NAP1L1: variants seen among roughly 807,000 people sequenced by gnomAD.
The protein encoded by NAP1L1 is nucleosome assembly protein 1 like 1, also known as nucleosome assembly protein 1-like 1.
Under a neutral mutation model 58.9 loss-of-function variants are expected in NAP1L1, and 9 were observed. The ratio of observed to expected loss-of-function variants is 0.15; its 90% CI spans 0.09 to 0.27. The LOEUF (loss-of-function observed/expected upper bound fraction) is 0.27. NAP1L1 is among the 10% of genes least tolerant of loss of function. NAP1L1 has a pLI of 1.00. For missense variants in NAP1L1, 302 were observed against 458.8 expected (o/e 0.66, Z 3.12); for synonymous variants, 130 against 138.3 (o/e 0.94, Z 0.42).
At chr12:76,052,316 GA>G (rs1254927602) in intron 11 of NAP1L1, among the ~76,000 whole-genome samples, 1 of 151,832 alleles carries the variant, frequency 6.6e-6, no homozygotes, top group Non-Finnish European at 1.5e-5. Flanking sequence ...CCACTGATAT[GA>G]AAATAGTGTG....
chr12:76,057,873 C>T, intron 6 of NAP1L1: 5 of 1,459,312 alleles, frequency 3.4e-6, no homozygotes, highest in Non-Finnish European at 4.7e-6. Context: ...AAGACGGTAC[C>T]ACAAAAGGTT....
Position 76,045,522 on chromosome 12 carries a change from T to C in NAP1L1, c.*2907A>G, listed in dbSNP as rs948736072. 6.6e-6 allele frequency: 1 copy of C among 152,068 alleles called. No individual in the cohort carries two copies. Among genetic ancestry groups the C allele is most frequent in the Non-Finnish European group, 1.5e-5 (1 of 67,922 alleles). 9.4% of individuals were successfully genotyped at this position (152,068 alleles called of 1,614,324 possible). On this transcript the variant is annotated 3_prime_UTR_variant, in exon 15 of 15. Transcript: ENST00000618691. ...AAATATTTTTATGAAAGTTAATATA[T>C]CCTTTCCTGATTAAGTGTGCTAAAA...
intron 4 of NAP1L1, among the ~76,000 whole-genome samples, chr12:76,064,817 C>T (rs1322174750): frequency 1.3e-5 from 2 of 151,696 alleles, no homozygotes; most frequent in East Asian, 3.9e-4. Flanking sequence ...TTCTCCAAAA[C>T]TCCCCTGGAC....
chr12:76,084,012 C>G (rs2137133958), intron 1 of NAP1L1: 1 of 152,254 alleles, frequency 6.6e-6, no homozygotes, highest in East Asian at 1.9e-4. Context: ...CCGGGAGCGT[C>G]GCAGCCTCCC....
In NAP1L1 at chr12:76,042,387, G is replaced by C. The variant is rs1004063337; in HGVS notation, c.*6042C>G. On this transcript the variant is annotated 3_prime_UTR_variant, in exon 15 of 15. Transcript: ENST00000618691. ...ATGCTGAACCAACAGGTGGTAGACA[G>C]ACTCTAAAGCCTGTGTTTAAAGACA... 3 of 152,178 alleles carry C rather than the reference G, an allele frequency of 2.0e-5. No homozygotes were observed. Among genetic ancestry groups the C allele is most frequent in the Admixed American group, 6.5e-5 (1 of 15,288 alleles). 9.4% of individuals were successfully genotyped at this position (152,178 alleles called of 1,614,324 possible).
At chr12:76,084,478 A>T (rs1248389131) in intron 1 of NAP1L1, 89 bp downstream of exon 1, 1 of 152,372 alleles carries the variant, frequency 6.6e-6, no homozygotes, top group Non-Finnish European at 1.5e-5. Context: ...CCCGGCTCCC[A>T]GTCCCTCCAT....
chr12:76,050,525 G>C lies in NAP1L1; in HGVS notation c.1059+6C>G. 1.2e-6 allele frequency: 2 copies of C among 1,600,266 alleles called. No homozygotes were observed. The highest frequency in any genetic ancestry group is 1.7e-6 in the Non-Finnish European group (2 of 1,175,892). On this transcript the variant is annotated splice_donor_region_variant and intron_variant, in intron 12 of 14. Coordinates refer to ENST00000618691, the MANE Select transcript of NAP1L1 (RefSeq NM_004537.7). ...TTATTTCTTTGCAGGATTCAAATTC[G>C]CTTACATCATCATCATCATCTTCAA... is the stretch of plus-strand genomic sequence containing the variant.
intron 3 of NAP1L1, chr12:76,068,492 C>T (rs1384595433): frequency 1.3e-5 from 2 of 153,116 alleles, no homozygotes; most frequent in African/African-American, 2.4e-5. Flanking sequence ...ATATTACCTA[C>T]ATTTAATAAA....
intron 6 of NAP1L1, chr12:76,057,731 A>G: frequency 1.3e-6 from 2 of 1,547,668 alleles, no homozygotes; most frequent in Non-Finnish European, 1.7e-6. Flanking sequence ...CCAAATGAAT[A>G]TGCAAAACTT....
intron 2 of NAP1L1, among the ~76,000 whole-genome samples, chr12:76,072,306 A>G (rs968351948): frequency 1.3e-5 from 2 of 151,672 alleles, no homozygotes; most frequent in African/African-American, 4.8e-5. Flanking sequence ...TATTTAAAAA[A>G]AAAAAAAAAC....
Position 76,040,789 on chromosome 12 carries a change from G to T in NAP1L1, c.*7640C>A, listed in dbSNP as rs1232882687. On this transcript the variant is annotated 3_prime_UTR_variant, in exon 15 of 15. Transcript: ENST00000618691. ...TATTAGCCAGGCTGGTCTCGAACTTGTAACCTCAAGTCACTGGCCCGCCTC... is the reference window on the plus strand; with the variant it reads ...TATTAGCCAGGCTGGTCTCGAACTTTTAACCTCAAGTCACTGGCCCGCCTC... 6.6e-6 allele frequency: 1 copy of T among 152,170 alleles called. No individual in the cohort carries two copies. The highest frequency in any genetic ancestry group is 1.5e-5 in the Non-Finnish European group (1 of 68,050). The allele number at this position is 152,170 out of a possible 1,614,324, so 9.4% of individuals were successfully genotyped here.
chr12:76,071,153 A>T lies in NAP1L1; in HGVS notation c.18-2159T>A, dbSNP rs577719716. Among the ~76,000 whole-genome samples, 132 of 152,300 alleles carry T rather than the reference A, an allele frequency of 8.7e-4. 1 individual carries two copies. Among genetic ancestry groups the T allele is most frequent in the African/African-American group, 3.0e-3 (126 of 41,568 alleles). The stretch of plus-strand genomic sequence containing the variant: ...ATGCAAACTCATGGATGCTGAACCC[A>T]CAGACACAGAGGGCCAACTGCAGTT... On this transcript the variant is annotated intron_variant, in intron 2 of 14. Coordinates refer to ENST00000618691, the MANE Select transcript of NAP1L1 (RefSeq NM_004537.7).
At chr12:76,075,446 G>C (rs1032816180) in intron 1 of NAP1L1, among the ~76,000 whole-genome samples, 13 of 152,126 alleles carry the variant, frequency 8.5e-5, no homozygotes, top group African/African-American at 3.1e-4. Context: ...GTTAAAAATG[G>C]AAAACATCCT....
At chr12:76,054,993 T>A (rs772812684) in intron 8 of NAP1L1, 26 bp downstream of exon 8, 1 of 1,535,392 alleles carries the variant, frequency 6.5e-7, no homozygotes, top group South Asian at 1.2e-5. Context: ...TGTTACAAAA[T>A]TATAAATATT....
chr12:76,055,939 A>G, intron 7 of NAP1L1, 94 bp downstream of exon 7: 1 of 1,303,388 alleles, frequency 7.7e-7, no homozygotes, highest in Non-Finnish European at 1.1e-6. Context: ...ATCATTCTAG[A>G]AAGATCAACA....
chr12:76,075,307 T>G (rs1950132825), intron 1 of NAP1L1, among the ~76,000 whole-genome samples: 1 of 152,078 alleles, frequency 6.6e-6, no homozygotes, highest in Non-Finnish European at 1.5e-5. Context: ...CAAGACCCTG[T>G]CTCTAAAAAA....
Position 76,055,024 on chromosome 12 carries a change from G to C in NAP1L1, c.625C>G (p.Pro209Ala). 6.2e-7 allele frequency: 1 copy of C among 1,601,402 alleles called. No individual in the cohort carries two copies. The highest frequency in any genetic ancestry group is 8.5e-7 in the Non-Finnish European group (1 of 1,173,870). Reference protein sequence around the residue: ...IKVKFSDAGQPMSFVLEFHFE... With the variant: ...IKVKFSDAGQAMSFVLEFHFE... Reference sequence around the variant, plus strand: ...ATATTTCAAAGTTCTTTTACCATAGGCTGGCCAGCATCTGAGAACTTCACT... The same window carrying C: ...ATATTTCAAAGTTCTTTTACCATAGCCTGGCCAGCATCTGAGAACTTCACT... The change falls in exon 8 of 15, where the codon CCT becomes GCT. Residue 209 changes from proline (P) to alanine (A), a missense_variant. Pro to Ala is a conservative substitution (Grantham distance 27). Coordinates refer to ENST00000618691, the MANE Select transcript of NAP1L1 (RefSeq NM_004537.7).
chr12:76,077,815 C>T (rs1182071279), intron 1 of NAP1L1, among the ~76,000 whole-genome samples: 1 of 151,570 alleles, frequency 6.6e-6, no homozygotes, highest in Non-Finnish European at 1.5e-5. Flanking sequence ...GAAACCCAGT[C>T]TCTACTAAAA....
intron 6 of NAP1L1, among the ~76,000 whole-genome samples, chr12:76,059,007 C>T (rs969086380): frequency 1.3e-5 from 2 of 152,216 alleles, no homozygotes; most frequent in African/African-American, 4.8e-5. Flanking sequence ...CACGTATGTG[C>T]ACTGTTTGAA....
Sources: gnomAD v4.1 joint callset for allele counts (sites outside exome capture counted in the v4.1 genomes callset) on GRCh38, gnomAD v4.1.1 for gene constraint, MANE v1.5 for transcripts, NCBI Gene and HGNC (gene_info 2026-07-23, HGNC 2026-07-21) for gene names.